KIAA0319: variants seen among roughly 807,000 people sequenced by gnomAD.
The protein encoded by KIAA0319 is dyslexia-associated protein KIAA0319.
Under a neutral mutation model 108.4 loss-of-function variants are expected in KIAA0319, and 83 were observed. That is an observed-to-expected ratio of 0.77 (90% CI 0.64 to 0.92). The LOEUF (loss-of-function observed/expected upper bound fraction) is 0.92. Ranked by LOEUF, KIAA0319 falls within the 40% of genes least tolerant of loss-of-function variation. The pLI, the probability that KIAA0319 is intolerant of heterozygous loss-of-function variation, is 0.00. For synonymous variants in KIAA0319, 484 were observed against 510.4 expected (o/e 0.95, Z 0.70); for missense variants, 1,195 against 1,322.4 (o/e 0.90, Z 1.49).
Position 24,596,257 on chromosome 6 carries a change from CT to C in KIAA0319, c.416del (p.Lys139ArgfsTer3). 6.2e-7 allele frequency: 1 copy of C among 1,614,208 alleles called. No homozygotes were observed. Among genetic ancestry groups the C allele is most frequent in the Non-Finnish European group, 8.5e-7 (1 of 1,180,042 alleles). On this transcript the variant is annotated frameshift_variant, in exon 3 of 21. Coordinates refer to ENST00000378214, the MANE Select transcript of KIAA0319 (RefSeq NM_014809.4). LOFTEE classifies it high-confidence loss of function. Reference protein sequence around the residue: ...IWGDSPEDIRKDLTFLGKDWG... With the variant: ...IWGDSPEDIRXDLTFLGKDWG... ...AATCTTTGCCTAGAAAGGTCAAGTC[CT>C]TTCTGATATCCTCAGGTGAGTCCCC... is the stretch of plus-strand genomic sequence containing the variant.
At chr6:24,543,018 G>A (rs140680133), downstream of KIAA0319, among the ~76,000 whole-genome samples, 3 of 152,304 alleles carry the variant, frequency 2.0e-5, no homozygotes, top group African/African-American at 4.8e-5. Context: ...AATCCAGAAC[G>A]CTTGCTTTGT....
At chr6:24,615,330 T>C (rs1293213499) in intron 1 of KIAA0319, among the ~76,000 whole-genome samples, 2 of 152,094 alleles carry the variant, frequency 1.3e-5, no homozygotes, top group African/African-American at 4.8e-5. Context: ...TTGAAATCTC[T>C]AGATATTAAG....
At position 24,601,173 on chromosome 6, in the gene KIAA0319, T is replaced by C. The variant is rs779565408; in HGVS notation, c.-70A>G. On this transcript the variant is annotated 5_prime_UTR_variant, in exon 2 of 21. Transcript: ENST00000378214. ...GAAGAGAGTTTGGTGCAAGCTTCCT[T>C]TGATGTTTTTTAGGAGCCAGATTTG... 1.1e-4 allele frequency: 168 copies of C among 1,581,296 alleles called. No individual in the cohort carries two copies. Among genetic ancestry groups the C allele is most frequent in the Non-Finnish European group, 1.3e-4 (151 of 1,163,508 alleles).
intron 1 of KIAA0319, among the ~76,000 whole-genome samples, chr6:24,609,273 C>CAAAAAAAA (rs886616830): frequency 3.5e-4 from 26 of 74,462 alleles, no homozygotes; most frequent in South Asian, 8.1e-4. Context: ...GTCTCAAAAA[C>CAAAAAAAA]AAAAAAAAAA....
intron 2 of KIAA0319, among the ~76,000 whole-genome samples, chr6:24,600,178 A>C (rs1477187238): frequency 6.6e-6 from 1 of 152,248 alleles, no homozygotes; most frequent in Non-Finnish European, 1.5e-5. Context: ...CAAAGGAAAA[A>C]ATATGGGTCT....
chr6:24,591,582 GAAC>G (rs1424108205), intron 3 of KIAA0319, among the ~76,000 whole-genome samples: 1 of 152,196 alleles, frequency 6.6e-6, no homozygotes, highest in Non-Finnish European at 1.5e-5. Flanking sequence ...CCTGGGTGTG[GAAC>G]AAGACCCTGT....
chr6:24,600,030 C>A, intron 2 of KIAA0319, among the ~76,000 whole-genome samples: 1 of 26,266 alleles, frequency 3.8e-5, no homozygotes. Context: ...CTGCCAACTG[C>A]CCAAAAAAAA....
In KIAA0319 at chr6:24,566,704, G is replaced by A. The variant is rs1763951372; in HGVS notation, c.2185C>T (p.Leu729Phe). The change falls in exon 14 of 21, where the codon CTT becomes TTT. Residue 729 changes from leucine to phenylalanine, a missense_variant. Coordinates refer to ENST00000378214, the MANE Select transcript of KIAA0319 (RefSeq NM_014809.4). ...GTAATGGAATTATTGGGAAGCACAA[G>A]AACATGTCTGCCACCAGCCCGGGCT... ...PRARAGGRHV[L>F]VLPNNSITLD... is the part of the protein sequence containing the mutation. 1.9e-6 allele frequency: 3 copies of A among 1,613,324 alleles called. No individual in the cohort carries two copies. The highest frequency in any genetic ancestry group is 4.5e-5 in the East Asian group (2 of 44,862).
At chr6:24,561,146 G>T (rs1354560138) in intron 16 of KIAA0319, among the ~76,000 whole-genome samples, 1 of 152,194 alleles carries the variant, frequency 6.6e-6, no homozygotes, top group Non-Finnish European at 1.5e-5. Flanking sequence ...CAGTTTGATA[G>T]TATTTTGTTG....
chr6:24,617,224 A>G (rs1773275025), intron 1 of KIAA0319, among the ~76,000 whole-genome samples: 1 of 152,192 alleles, frequency 6.6e-6, no homozygotes, highest in South Asian at 2.1e-4. Context: ...ATATTAGGAT[A>G]TGATTAAACA....
chr6:24,608,930 CAAAAAAAAA>C (rs57120652), intron 1 of KIAA0319, among the ~76,000 whole-genome samples: 6 of 30,106 alleles, frequency 2.0e-4, no homozygotes, highest in East Asian at 4.8e-3. Flanking sequence ...GACTCCGTCT[CAAAAAAAAA>C]AAAAAAAAAA....
At position 24,578,178 on chromosome 6, in the gene KIAA0319, T is replaced by C; in HGVS notation, c.1437A>G (p.Glu479=). 6.2e-7 allele frequency: 1 copy of C among 1,612,152 alleles called. No individual in the cohort carries two copies. Among genetic ancestry groups the C allele is most frequent in the Admixed American group, 1.7e-5 (1 of 59,960 alleles). ...CGGGAGAGTCAACTGAAGTCTTCTC[T>C]TCTATGAAGGGCCCGTTTATTTCTT... The part of the protein sequence containing the change: ...HWEEINGPFI[E]EKTSVDSPVL... The change falls in exon 9 of 21, where the codon GAA becomes GAG. Residue 479 remains glutamate (E), a synonymous_variant. Coordinates refer to ENST00000378214, the MANE Select transcript of KIAA0319 (RefSeq NM_014809.4).
rs754309304 is a variant in KIAA0319 at position 24,588,782 on chromosome 6, G to A, written c.805C>T (p.Leu269=). ...GGAGGAAGACTATGGGAAGGCATTAGAACCTACGAGATCAATTACAAGGAT... is the reference window on the plus strand; with the variant it reads ...GGAGGAAGACTATGGGAAGGCATTAAAACCTACGAGATCAATTACAAGGAT... ...QSSNSSGKEV[L]MPSHSLPPAS... is the part of the protein sequence containing the mutation. The change falls in exon 4 of 21, where the codon CTA becomes TTA. Residue 269 remains leucine, a synonymous_variant. Transcript: ENST00000378214. The A allele has an allele frequency of 2.5e-5, 40 of 1,611,656 alleles. No individual in the cohort carries two copies. The Middle Eastern group carries it at 1.3e-3, about 53-fold the overall frequency.
At chr6:24,643,223 A>G (rs1777191546) in intron 1 of KIAA0319, among the ~76,000 whole-genome samples, 1 of 152,218 alleles carries the variant, frequency 6.6e-6, no homozygotes, top group African/African-American at 2.4e-5. Flanking sequence ...TGGCTCAACC[A>G]TTTTTATTGT....
At chr6:24,572,435 C>T (rs1485378567) in intron 11 of KIAA0319, 140 bp downstream of exon 11, 16 of 911,384 alleles carry the variant, frequency 1.8e-5, no homozygotes, top group African/African-American at 1.7e-5. Flanking sequence ...AGATTTAGAA[C>T]CTTGAAATGA....
At chr6:24,547,715 T>C (rs145259148) in intron 20 of KIAA0319, among the ~76,000 whole-genome samples, 61 of 152,370 alleles carry the variant, frequency 4.0e-4, no homozygotes, top group Middle Eastern at 6.8e-3. Flanking sequence ...CTTTAGTACA[T>C]TGTAAGCATC....
chr6:24,579,424 T>TATATATATATATCTTATATATCTC, intron 8 of KIAA0319, among the ~76,000 whole-genome samples: 1 of 145,670 alleles, frequency 6.9e-6, no homozygotes, highest in Non-Finnish European at 1.5e-5. Flanking sequence ...TATATATATA[T>TATATATATATATCTTATATATCTC]ATATATATCT....
At chr6:24,593,832 T>C (rs1768940715) in intron 3 of KIAA0319, among the ~76,000 whole-genome samples, 1 of 151,806 alleles carries the variant, frequency 6.6e-6, no homozygotes, top group Admixed American at 6.6e-5. Flanking sequence ...TGAAAGAGAG[T>C]AAATTATTTT....
At chr6:24,619,223 G>A (rs76903583) in intron 1 of KIAA0319, among the ~76,000 whole-genome samples, 13 of 152,268 alleles carry the variant, frequency 8.5e-5, no homozygotes, top group East Asian at 3.9e-4. Flanking sequence ...TAGCTCCCTC[G>A]GGCTTCTGCG....
Sources: gnomAD v4.1 joint callset for allele counts (sites outside exome capture counted in the v4.1 genomes callset) on GRCh38, gnomAD v4.1.1 for gene constraint, MANE v1.5 for transcripts, NCBI Gene and HGNC (gene_info 2026-07-23, HGNC 2026-07-21) for gene names.